BDP1: variants seen among roughly 807,000 people sequenced by gnomAD.
BDP1 encodes transcription factor TFIIIB component B'' homolog.
In BDP1, 169 loss-of-function variants were observed where a neutral mutation model predicts 266.6. The ratio of observed to expected loss-of-function variants is 0.63; its 90% CI spans 0.56 to 0.72. BDP1 has a LOEUF of 0.72. BDP1 is among the 30% of genes least tolerant of loss of function. BDP1 has a pLI of 0.00. For missense variants in BDP1, 3,015 were observed against 3,053.8 expected, an observed-to-expected ratio of 0.99 and a Z score of 0.30; for synonymous variants, 1,090 against 1,022.4, an observed-to-expected ratio of 1.07 and a Z score of -1.26.
intron 7 of BDP1, among the ~76,000 whole-genome samples, chr5:71,483,301 C>G (rs1362688483): frequency 6.6e-6 from 1 of 152,052 alleles, no homozygotes; most frequent in Non-Finnish European, 1.5e-5. Context: ...TAAACATCTC[C>G]CTCTTAATGG....
chr5:71,571,089 G>T (rs563598087), downstream of BDP1, among the ~76,000 whole-genome samples: 1 of 152,294 alleles, frequency 6.6e-6, no homozygotes, highest in African/African-American at 2.4e-5. Flanking sequence ...GTAACCTAGA[G>T]ATGATTTAAA....
intron 25 of BDP1, among the ~76,000 whole-genome samples, chr5:71,527,515 A>G (rs1030718703): frequency 1.1e-4 from 16 of 152,186 alleles, no homozygotes; most frequent in African/African-American, 3.9e-4. Flanking sequence ...GGAATCATAC[A>G]GTATTTTTTT....
Position 71,556,889 on chromosome 5 carries a change from C to A in BDP1, c.7204C>A (p.His2402Asn). 7.1e-7 allele frequency: 1 copy of A among 1,409,960 alleles called. No homozygotes were observed. The highest frequency in any genetic ancestry group is 9.5e-7 in the Non-Finnish European group (1 of 1,051,770). The allele number at this position is 1,409,960 out of a possible 1,614,324, so 87.3% of individuals were successfully genotyped here. A position where few individuals can be genotyped will look rare whatever the true frequency, so the allele number is the denominator to read the frequency against. Residue 2402 changes from histidine (H) to asparagine (N), a missense_variant, in exon 36 of 39, where the codon CAC becomes AAC. Around this residue, in one of 3 missense-constraint regions of BDP1, gnomAD observed 629 missense variants for 632.5 expected, o/e 0.99. Coordinates refer to ENST00000358731, the MANE Select transcript of BDP1 (RefSeq NM_018429.3). ...DDCQEYTTEV[H>N]SKELTNVFEE... ...TTTTTAAATTTTCTTAAAATAGGTG[C>A]ACTCAAAGGAATTAACAAATGTTTT...
intron 35 of BDP1, among the ~76,000 whole-genome samples, chr5:71,553,834 A>G (rs2112001475): frequency 6.6e-6 from 1 of 152,258 alleles, no homozygotes; most frequent in East Asian, 1.9e-4. Flanking sequence ...CTTTCTGGCC[A>G]CACTGGCCAT....
At chr5:71,545,433 C>A in intron 32 of BDP1, 1 of 531,414 alleles carries the variant, frequency 1.9e-6, no homozygotes, top group Non-Finnish European at 3.2e-6. Flanking sequence ...CCAGATTCAA[C>A]AGATTCTCCT....
At chr5:71,479,816 G>A (rs1561687572) in intron 7 of BDP1, among the ~76,000 whole-genome samples, 3 of 152,200 alleles carry the variant, frequency 2.0e-5, no homozygotes, top group Non-Finnish European at 2.9e-5. Context: ...AAAGTACTGG[G>A]ATTACAGGCG....
chr5:71,572,984 T>C, the BDP1 span, among the ~76,000 whole-genome samples: 12 of 152,110 alleles, frequency 7.9e-5, no homozygotes, highest in African/African-American at 2.9e-4. Flanking sequence ...ATCCCAGCAC[T>C]TTGAGAGGCC....
rs762053262 is a variant in BDP1, at chr5:71,523,965, G to A, written c.5414G>A (p.Ser1805Asn). The stretch of plus-strand genomic sequence containing the variant: ...TGTCCACAACCGTTAAACGAAACAA[G>A]TTACTCTAAAATTGCCCTGGATGGG... ...TSCPQPLNET[S>N]YSKIALDGKT... The change falls in exon 25 of 39, where the codon AGT becomes AAT. Residue 1805 changes from serine (S) to asparagine (N), a missense_variant. Around this residue, in one of 3 missense-constraint regions of BDP1, gnomAD observed 2,383 missense variants for 2,404.9 expected, o/e 0.99. Coordinates refer to ENST00000358731, the MANE Select transcript of BDP1 (RefSeq NM_018429.3). 4 of 1,613,686 alleles carry A rather than the reference G, an allele frequency of 2.5e-6. No individual in the cohort carries two copies. The South Asian group carries it at 3.3e-5, about 13-fold the overall frequency.
intron 18 of BDP1, 116 bp from the exon 19 acceptor site, chr5:71,513,063 CAAAAAA>C (rs34252624): frequency 4.1e-3 from 1,710 of 413,682 alleles, no homozygotes; most frequent in South Asian, 6.7e-3. Context: ...ACCCTGTCTC[CAAAAAA>C]AAAAAAAAAA....
intron 20 of BDP1, among the ~76,000 whole-genome samples, chr5:71,515,456 G>A (rs1415713864): frequency 6.6e-6 from 1 of 152,120 alleles, no homozygotes; most frequent in Non-Finnish European, 1.5e-5. Context: ...GAAATGCTCA[G>A]TGGAGCATTT....
rs1381212105 is a variant in BDP1, at chr5:71,564,717, C to T, written c.7744-37C>T. On this transcript the variant is annotated intron_variant, in intron 38 of 38. Coordinates refer to ENST00000358731, the MANE Select transcript of BDP1 (RefSeq NM_018429.3). The stretch of plus-strand genomic sequence containing the variant: ...ACATATATATATAAATGTTGTATTA[C>T]AGTTTTATTTTTACTTTATTTTTAT... 5.2e-6 allele frequency: 8 copies of T among 1,525,098 alleles called. No homozygotes were observed. The East Asian group carries it at 1.1e-4, about 22-fold the overall frequency. 94.5% of individuals were successfully genotyped at this position (1,525,098 alleles called of 1,614,324 possible).
intron 38 of BDP1, among the ~76,000 whole-genome samples, chr5:71,564,026 C>G (rs991123899): frequency 1.3e-5 from 2 of 152,176 alleles, no homozygotes; most frequent in Non-Finnish European, 2.9e-5. Context: ...ATCTTTTGAT[C>G]CATCTAGAAT....
At chr5:71,466,414 G>C (rs888063806) in intron 5 of BDP1, among the ~76,000 whole-genome samples, 193 bp downstream of exon 5, 1 of 152,114 alleles carries the variant, frequency 6.6e-6, no homozygotes. Flanking sequence ...TAACTATTTT[G>C]TATGAGAAGA....
intron 34 of BDP1, among the ~76,000 whole-genome samples, chr5:71,552,443 C>G (rs1198758804): frequency 3.3e-5 from 5 of 152,266 alleles, no homozygotes; most frequent in Non-Finnish European, 7.3e-5. Flanking sequence ...GCTGCAATCT[C>G]GGCACTTTGG....
chr5:71,547,458 A>G (rs1224978827), intron 32 of BDP1, among the ~76,000 whole-genome samples: 5 of 152,096 alleles, frequency 3.3e-5, no homozygotes, highest in Admixed American at 1.3e-4. Flanking sequence ...TTGTCCCATT[A>G]TTGGTGATGC....
In BDP1 at chr5:71,560,787, C is replaced by G. The variant is rs1410694520; in HGVS notation, c.7496+550C>G. ...AGAAGATTAATGTGGTGTTGCTGAA[C>G]TGAAAGAGGTGGGGGAACATGCACT... On this transcript the variant is annotated intron_variant, in intron 37 of 38. Coordinates refer to ENST00000358731, the MANE Select transcript of BDP1 (RefSeq NM_018429.3). Among the ~76,000 whole-genome samples, 3 of 152,080 alleles carry G rather than the reference C, an allele frequency of 2.0e-5. No individual in the cohort carries two copies. In the East Asian group the frequency reaches 5.8e-4, roughly 29 times the overall value.
Position 71,524,285 on chromosome 5 carries a change from GA to G in BDP1, c.5736del (p.Glu1912AspfsTer16). ...TGTACCTGTTGGTCTCAGATCTCCT[GA>G]ACCTGTTTCTGCTCAGATTGAGGAA... Reference protein sequence around the residue: ...VFVPVGLRSPEPVSAQIEETM... With the variant: ...VFVPVGLRSPXPVSAQIEETM... On this transcript the variant is annotated frameshift_variant, in exon 25 of 39. Coordinates refer to ENST00000358731, the MANE Select transcript of BDP1 (RefSeq NM_018429.3). LOFTEE classifies it high-confidence loss of function. 1 of 1,605,964 alleles carries G rather than the reference GA, an allele frequency of 6.2e-7. No individual in the cohort carries two copies. The highest frequency in any genetic ancestry group is 8.5e-7 in the Non-Finnish European group (1 of 1,173,114).
rs201516025 is a variant in BDP1, at chr5:71,545,210, T to A, written c.6735T>A (p.Pro2245=). 6.2e-7 allele frequency: 1 copy of A among 1,613,184 alleles called. No homozygotes were observed. Among genetic ancestry groups the A allele is most frequent in the Non-Finnish European group, 8.5e-7 (1 of 1,179,782 alleles). The part of the protein sequence containing the change: ...DSKGDSVLTL[P]VPEYTPTSIP... ...AAGGAGACAGTGTGCTTACACTTCC[T>A]GTGCCAGAGGTAAAAGAATGTACAG... Residue 2245 remains proline (P), a synonymous_variant, in exon 32 of 39, where the codon CCT becomes CCA. Transcript: ENST00000358731.
In BDP1 at chr5:71,542,701, C is replaced by CATATATATATAT. The variant is rs34551677; in HGVS notation, c.6412+441_6412+452dup. Among the ~76,000 whole-genome samples, 8 of 149,604 alleles carry CATATATATATAT rather than the reference C, an allele frequency of 5.3e-5. No homozygotes were observed. In the South Asian group the frequency reaches 1.5e-3, roughly 28 times the overall value. ...CACCCTGTCTCTTATGAATTGAAAA[C>CATATATATATAT]ATATATATATATATATTCATGTATA... On this transcript the variant is annotated intron_variant, in intron 30 of 38. Coordinates refer to ENST00000358731, the MANE Select transcript of BDP1 (RefSeq NM_018429.3).
Sources: gnomAD v4.1 joint callset for allele counts (sites outside exome capture counted in the v4.1 genomes callset) on GRCh38, gnomAD v4.1.1 for gene constraint, gnomAD v4.1.1 regional missense constraint, MANE v1.5 for transcripts, NCBI Gene and HGNC (gene_info 2026-07-23, HGNC 2026-07-21) for gene names.